Variants in CPLANE1 observed in about 807,000 individuals in gnomAD.
CPLANE1 encodes the protein ciliogenesis and planar polarity effector 1.
Under a neutral mutation model 362.5 loss-of-function variants are expected in CPLANE1, and 263 were observed. The observed-to-expected ratio is 0.73, with a 90% CI of 0.66 to 0.80. The LOEUF (loss-of-function observed/expected upper bound fraction) is 0.80. Ranked by LOEUF, CPLANE1 falls within the 30% of genes least tolerant of loss-of-function variation. The pLI is 0.00. For missense variants in CPLANE1, 3,461 were observed against 3,793.4 expected (o/e 0.91, Z 2.30); for synonymous variants, 1,212 against 1,302.6 (o/e 0.93, Z 1.50).
the CPLANE1 span, among the ~76,000 whole-genome samples, chr5:37,084,036 C>G: frequency 2.0e-5 from 3 of 152,122 alleles, no homozygotes; most frequent in Non-Finnish European, 4.4e-5. Context: ...GACAAAAGCA[C>G]CAGGTAACCT....
intron 16 of CPLANE1, chr5:37,210,195 G>A: frequency 1.3e-6 from 2 of 1,490,156 alleles, no homozygotes; most frequent in East Asian, 2.3e-5. Flanking sequence ...CCAAGAGATT[G>A]AAACAAAAGA....
chr5:37,197,628 C>T (rs1321766155), intron 20 of CPLANE1, among the ~76,000 whole-genome samples: 1 of 152,118 alleles, frequency 6.6e-6, no homozygotes, highest in Non-Finnish European at 1.5e-5. Context: ...TATTAAATGG[C>T]TGCTATTTTA....
At chr5:37,180,729 C>G in intron 27 of CPLANE1, 128 bp downstream of exon 27, 3 of 772,502 alleles carry the variant, frequency 3.9e-6, no homozygotes, top group Non-Finnish European at 6.2e-6. Context: ...AGAAAGCTCA[C>G]TGCCTGCTCC....
intron 50 of CPLANE1, among the ~76,000 whole-genome samples, chr5:37,118,444 G>A (rs1454185198): frequency 2.0e-5 from 3 of 151,526 alleles, no homozygotes; most frequent in Admixed American, 2.0e-4. Flanking sequence ...AACCACGAAG[G>A]GTTTCATCTA....
At chr5:37,187,304 T>C (rs1014823133) in intron 23 of CPLANE1, 110 bp downstream of exon 23, 4 of 873,950 alleles carry the variant, frequency 4.6e-6, no homozygotes, top group South Asian at 4.0e-5. Context: ...GATATTATGC[T>C]AAGTGAAATA....
intron 1 of CPLANE1, among the ~76,000 whole-genome samples, chr5:37,249,004 G>T (rs1368050362): frequency 1.3e-5 from 2 of 152,204 alleles, no homozygotes; most frequent in South Asian, 2.1e-4. Flanking sequence ...CCGGCCCCTT[G>T]GGGCTCCCGC....
At chr5:37,125,795 G>GT (rs1763970707) in intron 46 of CPLANE1, among the ~76,000 whole-genome samples, 1 of 152,036 alleles carries the variant, frequency 6.6e-6, no homozygotes, top group Non-Finnish European at 1.5e-5. Flanking sequence ...AATTTTGTGG[G>GT]TACATAGTAG....
chr5:37,113,534 G>A (rs952536287), intron 51 of CPLANE1, among the ~76,000 whole-genome samples: 2 of 152,192 alleles, frequency 1.3e-5, no homozygotes, highest in Admixed American at 6.5e-5. Flanking sequence ...GATTCAAAGT[G>A]ATCCAAACGA....
At chr5:37,186,159 T>A in intron 24 of CPLANE1, 127 bp downstream of exon 24, 1 of 545,626 alleles carries the variant, frequency 1.8e-6, no homozygotes, top group South Asian at 2.8e-5. Flanking sequence ...TACCTTCTCA[T>A]ACTCCTATCT....
At chr5:37,103,573 T>C (rs115040925), downstream of CPLANE1, among the ~76,000 whole-genome samples, 120 of 152,324 alleles carry the variant, frequency 7.9e-4, no homozygotes, top group African/African-American at 2.7e-3. Flanking sequence ...TGGAGATGTA[T>C]TCCCTCAGCA....
chr5:37,203,403 A>C (rs1315981142), intron 18 of CPLANE1, among the ~76,000 whole-genome samples: 1 of 152,210 alleles, frequency 6.6e-6, no homozygotes, highest in Non-Finnish European at 1.5e-5. Context: ...ATTCCATTTT[A>C]AAGATATATT....
chr5:37,100,524 C>T, the CPLANE1 span, among the ~76,000 whole-genome samples: 3 of 152,154 alleles, frequency 2.0e-5, no homozygotes, highest in East Asian at 5.8e-4. Flanking sequence ...TTGTAGTATA[C>T]TTTGAAGTCA....
the CPLANE1 span, among the ~76,000 whole-genome samples, chr5:37,097,295 CA>C: frequency 1.3e-5 from 2 of 151,820 alleles, no homozygotes; most frequent in South Asian, 4.2e-4. Context: ...TGTTCTCAGT[CA>C]AACAACAATA....
At chr5:37,243,185 C>CAT (rs1245590996) in intron 5 of CPLANE1, 66 bp from the exon 6 acceptor site, 95 of 879,326 alleles carry the variant, frequency 1.1e-4, no homozygotes, top group Non-Finnish European at 2.4e-5. Flanking sequence ...TACTAAAATA[C>CAT]ATATATATAT....
the CPLANE1 span, among the ~76,000 whole-genome samples, chr5:37,084,012 CTT>C: frequency 2.6e-5 from 4 of 152,144 alleles, no homozygotes; most frequent in African/African-American, 4.8e-5. Flanking sequence ...AGGAAAGAAT[CTT>C]AAGAGCTGTG....
intron 44 of CPLANE1, chr5:37,140,994 C>T (rs968244997): frequency 1.0e-6 from 1 of 985,296 alleles, no homozygotes; most frequent in African/African-American, 1.7e-5. Context: ...CTAGTTATAC[C>T]TTTGCCTTAG....
intron 37 of CPLANE1, among the ~76,000 whole-genome samples, chr5:37,163,828 C>T (rs1777527512): frequency 6.6e-6 from 1 of 152,174 alleles, no homozygotes; most frequent in South Asian, 2.1e-4. Context: ...TTCACTCATC[C>T]TACTGCCACT....
Position 37,169,446 on chromosome 5 carries a change from C to A in CPLANE1, c.6578G>T (p.Gly2193Val). 1 of 1,614,100 alleles carries A rather than the reference C, an allele frequency of 6.2e-7. No individual in the cohort carries two copies. Among genetic ancestry groups the A allele is most frequent in the South Asian group, 1.1e-5 (1 of 91,072 alleles). Reference protein sequence around the residue: ...PSTSFYPAPAGNTHLYLLSTP... With the variant: ...PSTSFYPAPAVNTHLYLLSTP... ...GGACAAAAGGTAGAGGTGAGTATTT[C>A]CAGCAGGAGCTGGATAAAACGAAGT... The change falls in exon 34 of 53, where the codon GGA becomes GTA. Residue 2193 changes from glycine to valine, a missense_variant. Around this residue, in one of 2 missense-constraint regions of CPLANE1, gnomAD observed 3,380 missense variants for 3,666.1 expected, o/e 0.92. Transcript: ENST00000651892.
chr5:37,089,374 A>T, the CPLANE1 span, among the ~76,000 whole-genome samples: 1 of 152,036 alleles, frequency 6.6e-6, no homozygotes, highest in Non-Finnish European at 1.5e-5. Flanking sequence ...TACTCTGCAG[A>T]CCCCTTTCAA....
Sources: allele counts gnomAD v4.1 joint callset (sites outside exome capture counted in the v4.1 genomes callset), GRCh38; gene constraint gnomAD v4.1.1; regional missense constraint gnomAD v4.1.1; transcripts MANE v1.5; gene names NCBI Gene and HGNC (gene_info 2026-07-23, HGNC 2026-07-21).